Variants in TBCA observed in about 807,000 individuals in gnomAD.
The protein encoded by TBCA is tubulin-specific chaperone A.
A neutral mutation model predicts 15.8 loss-of-function variants in TBCA; 6 were observed. That is an observed-to-expected ratio of 0.38 (90% CI 0.21 to 0.75). TBCA has a LOEUF of 0.75. Ranked by LOEUF, TBCA falls within the 30% of genes least tolerant of loss-of-function variation. The probability of loss-of-function intolerance (pLI) is 0.46; values close to 1 mark genes in which losing one functional copy is unlikely to be tolerated. For missense variants in TBCA, 90 were observed against 131.2 expected (o/e 0.69, Z 1.53); for synonymous variants, 32 against 42.3 (o/e 0.76, Z 0.94).
intron 1 of TBCA, among the ~76,000 whole-genome samples, chr5:77,726,967 T>C (rs532326345): frequency 6.6e-6 from 1 of 152,282 alleles, no homozygotes; most frequent in South Asian, 2.1e-4. Flanking sequence ...GCCCAGATGT[T>C]GAATATTTTT....
intron 2 of TBCA, among the ~76,000 whole-genome samples, chr5:77,699,578 T>G (rs1321072150): frequency 1.3e-5 from 2 of 152,050 alleles, no homozygotes; most frequent in Non-Finnish European, 2.9e-5. Flanking sequence ...TATATAAAAA[T>G]TACCTCAAAA....
At chr5:77,715,410 A>T (rs1424619128) in intron 1 of TBCA, 1 of 612,010 alleles carries the variant, frequency 1.6e-6, no homozygotes, top group Non-Finnish European at 2.9e-6. Context: ...CTCTTATGAA[A>T]ACATCTTTAA....
At chr5:77,720,037 C>T (rs1222515088) in intron 1 of TBCA, among the ~76,000 whole-genome samples, 1 of 152,094 alleles carries the variant, frequency 6.6e-6, no homozygotes, top group Non-Finnish European at 1.5e-5. Flanking sequence ...CTCTAACTGC[C>T]TTTGTAACAT....
At chr5:77,765,729 C>A (rs1747756059) in intron 1 of TBCA, among the ~76,000 whole-genome samples, 3 of 152,122 alleles carry the variant, frequency 2.0e-5, no homozygotes, top group Admixed American at 2.0e-4. Flanking sequence ...ATCCTTATAG[C>A]TGAGAAGAGA....
chr5:77,692,539 C>T, intron 3 of TBCA: 6 of 966,470 alleles, frequency 6.2e-6, no homozygotes, highest in Non-Finnish European at 6.2e-6. Context: ...CCCACCTCAG[C>T]CTCCCAAAGT....
At chr5:77,746,660 G>C (rs553667934) in intron 1 of TBCA, among the ~76,000 whole-genome samples, 1 of 152,082 alleles carries the variant, frequency 6.6e-6, no homozygotes, top group African/African-American at 2.4e-5. Flanking sequence ...TTTTGAATAG[G>C]GATGAGAAAC....
In TBCA at chr5:77,693,537, G is replaced by A. The variant is rs536384761; in HGVS notation, c.160-185C>T. 198 of 728,526 alleles carry A rather than the reference G, an allele frequency of 2.7e-4. No homozygotes were observed. In the African/African-American group the frequency reaches 3.0e-3, roughly 11 times the overall value. 45.1% of individuals were successfully genotyped at this position (728,526 alleles called of 1,614,324 possible). The stretch of plus-strand genomic sequence containing the variant: ...AGAAAGGCCAGGCACAGTGGCTCAC[G>A]CCTGTAATCCCAGCATTTTGGGAGA... On this transcript the variant is annotated intron_variant, in intron 2 of 3. Coordinates refer to ENST00000380377, the MANE Select transcript of TBCA (RefSeq NM_004607.3).
intron 1 of TBCA, among the ~76,000 whole-genome samples, chr5:77,724,818 A>G (rs1176512268): frequency 6.6e-6 from 1 of 152,216 alleles, no homozygotes; most frequent in Non-Finnish European, 1.5e-5. Context: ...AAACGTGTAC[A>G]CTAGAGTGTA....
At chr5:77,706,810 TA>T (rs370852221) in intron 2 of TBCA, among the ~76,000 whole-genome samples, 217 of 108,420 alleles carry the variant, frequency 2.0e-3, no homozygotes, top group Middle Eastern at 5.2e-3. Flanking sequence ...GACTCCATCT[TA>T]AAAAAAAAAA....
intron 1 of TBCA, 90 bp downstream of exon 1, chr5:77,776,115 G>A: frequency 6.7e-7 from 1 of 1,492,488 alleles, no homozygotes; most frequent in Non-Finnish European, 9.1e-7. Flanking sequence ...AGCCCGCCTC[G>A]GGCCTCCTCG....
At position 77,757,865 on chromosome 5, in the gene TBCA, C is replaced by T. The variant is rs1308140799; in HGVS notation, c.53+18340G>A. Among the ~76,000 whole-genome samples the T allele has an allele frequency of 3.3e-5, 5 of 152,238 alleles. No individual in the cohort carries two copies. The South Asian group carries it at 8.3e-4, about 25-fold the overall frequency. ...TGCTTTTATATATTTTAGAGAGATA[C>T]AAGGTCAAGGGTAGAAGGTATCTGA... On this transcript the variant is annotated intron_variant, in intron 1 of 3. Coordinates refer to ENST00000380377, the MANE Select transcript of TBCA (RefSeq NM_004607.3).
intron 1 of TBCA, among the ~76,000 whole-genome samples, chr5:77,748,265 A>G (rs1430237946): frequency 4.6e-5 from 7 of 152,180 alleles, no homozygotes; most frequent in Non-Finnish European, 7.3e-5. Flanking sequence ...ATGTAGTAAT[A>G]TGGAATGTTT....
chr5:77,717,400 C>T (rs999535102), intron 1 of TBCA, among the ~76,000 whole-genome samples: 2 of 152,140 alleles, frequency 1.3e-5, no homozygotes, highest in African/African-American at 4.8e-5. Context: ...TCCCTATCTA[C>T]AAATAAACAT....
intron 1 of TBCA, 125 bp downstream of exon 1, chr5:77,776,080 G>A (rs1468545279): frequency 2.5e-6 from 3 of 1,219,288 alleles, no homozygotes; most frequent in Non-Finnish European, 3.4e-6. Context: ...CAACTGCGGA[G>A]CCCCGGGTGC....
intron 1 of TBCA, among the ~76,000 whole-genome samples, chr5:77,737,761 T>C (rs961662757): frequency 6.6e-6 from 1 of 152,206 alleles, no homozygotes; most frequent in Non-Finnish European, 1.5e-5. Context: ...TCTGAAACTG[T>C]CCCTAAAATG....
intron 1 of TBCA, among the ~76,000 whole-genome samples, chr5:77,774,371 A>G (rs1747975472): frequency 6.6e-6 from 1 of 152,206 alleles, no homozygotes; most frequent in Admixed American, 6.5e-5. Context: ...AAAATTAACT[A>G]GGAGTCTGGG....
intron 1 of TBCA, among the ~76,000 whole-genome samples, chr5:77,736,580 G>A (rs1053856489): frequency 6.6e-6 from 1 of 152,052 alleles, no homozygotes; most frequent in East Asian, 1.9e-4. Flanking sequence ...ATGTCCATGC[G>A]ATGCCCCCCA....
At chr5:77,698,902 A>G (rs540610038) in intron 2 of TBCA, among the ~76,000 whole-genome samples, 7 of 152,190 alleles carry the variant, frequency 4.6e-5, no homozygotes, top group East Asian at 1.9e-4. Context: ...CCTAGAACTA[A>G]TAAGTTCAGC....
chr5:77,717,705 G>C (rs971269962), intron 1 of TBCA, among the ~76,000 whole-genome samples: 1 of 152,100 alleles, frequency 6.6e-6, no homozygotes, highest in Non-Finnish European at 1.5e-5. Context: ...AGTGGTGCAC[G>C]CCTGTAATCC....
Sources: allele counts gnomAD v4.1 joint callset (sites outside exome capture counted in the v4.1 genomes callset), GRCh38; gene constraint gnomAD v4.1.1; transcripts MANE v1.5; gene names NCBI Gene and HGNC (gene_info 2026-07-23, HGNC 2026-07-21).